The following ATP6V1H variants were observed in gnomAD, a reference collection of about 807,000 sequenced individuals.
ATP6V1H encodes ATPase H+ transporting V1 subunit H.
In ATP6V1H, 39 loss-of-function variants were observed where a neutral mutation model predicts 71.7. The observed-to-expected ratio is 0.54, with a 90% CI of 0.42 to 0.71. ATP6V1H has a LOEUF of 0.71. Ranked by LOEUF, ATP6V1H falls within the 30% of genes least tolerant of loss-of-function variation. ATP6V1H has a pLI of 0.00. For synonymous variants in ATP6V1H, 192 were observed against 199.3 expected (o/e 0.96, Z 0.31); for missense variants, 509 against 594.9 (o/e 0.86, Z 1.50).
chr8:53,765,262 C>T (rs963750182), intron 11 of ATP6V1H, among the ~76,000 whole-genome samples: 1 of 151,668 alleles, frequency 6.6e-6, no homozygotes, highest in African/African-American at 2.4e-5. Flanking sequence ...ATGAGCTGGG[C>T]GTGGTGGTGC....
At chr8:53,840,926 C>G (rs190318912) in intron 2 of ATP6V1H, among the ~76,000 whole-genome samples, 1 of 152,168 alleles carries the variant, frequency 6.6e-6, no homozygotes, top group East Asian at 1.9e-4. Context: ...ACTGAAACAT[C>G]AGCACATTAA....
At chr8:53,833,900 T>A (rs559713419) in intron 2 of ATP6V1H, among the ~76,000 whole-genome samples, 60 of 152,144 alleles carry the variant, frequency 3.9e-4, no homozygotes, top group African/African-American at 1.4e-3. Flanking sequence ...CTTTCCCCGG[T>A]GGTGATGCTG....
At chr8:53,731,825 G>A (rs1807035608) in intron 13 of ATP6V1H, among the ~76,000 whole-genome samples, 2 of 152,264 alleles carry the variant, frequency 1.3e-5, no homozygotes, top group Admixed American at 1.3e-4. Context: ...GCCCTCTGGA[G>A]CATCCCTGGG....
chr8:53,760,103 T>C (rs1159863416), intron 11 of ATP6V1H, among the ~76,000 whole-genome samples: 2 of 152,316 alleles, frequency 1.3e-5, no homozygotes, highest in Non-Finnish European at 2.9e-5. Flanking sequence ...TAATAATTGG[T>C]TGCAGCTGGT....
At chr8:53,815,715 C>T (rs1480286453) in intron 5 of ATP6V1H, among the ~76,000 whole-genome samples, 1 of 152,140 alleles carries the variant, frequency 6.6e-6, no homozygotes. Flanking sequence ...TTAAACTCAT[C>T]TTACTGTCAC....
Position 53,756,595 on chromosome 8 carries a change from C to A in ATP6V1H, c.1237G>T (p.Asp413Tyr). ...DPQVLAVAAH[D>Y]VGEYVRHYPR... ...TAATGCCGCACATATTCTCCAACAT[C>A]GTGAGCAGCAACAGCTAAGACTTGG... The change falls in exon 12 of 14, where the codon GAT (aspartate) becomes TAT (tyrosine). Residue 413 changes from aspartate (D) to tyrosine (Y), a missense_variant. Physicochemically the swap from Asp to Tyr is radical, Grantham distance 160 (BLOSUM62 -3). This residue lies in a region of ATP6V1H where 212 missense variants were observed against 291.6 expected (regional missense o/e 0.73). Coordinates refer to ENST00000359530, the MANE Select transcript of ATP6V1H (RefSeq NM_015941.4). 6.2e-7 allele frequency: 1 copy of A among 1,614,092 alleles called. No homozygotes were observed. The highest frequency in any genetic ancestry group is 2.2e-5 in the East Asian group (1 of 44,886).
intron 12 of ATP6V1H, among the ~76,000 whole-genome samples, chr8:53,755,712 ATATATATATATATATATATATATATAT>A (rs1808007216): frequency 6.1e-4 from 3 of 4,940 alleles, no homozygotes; most frequent in East Asian, 2.7e-3. Flanking sequence ...ATATATATAT[ATATATATATATATATATATATATATAT>A]ATATATTTTT....
At chr8:53,790,340 G>A (rs1809528011) in intron 9 of ATP6V1H, among the ~76,000 whole-genome samples, 1 of 152,026 alleles carries the variant, frequency 6.6e-6, no homozygotes, top group Non-Finnish European at 1.5e-5. Flanking sequence ...ACCCCACAGA[G>A]ACAACTATAT....
intron 7 of ATP6V1H, among the ~76,000 whole-genome samples, chr8:53,805,330 T>A (rs1192844177): frequency 6.6e-6 from 1 of 152,166 alleles, no homozygotes; most frequent in Non-Finnish European, 1.5e-5. Context: ...AACATACAAT[T>A]GACTAAAATA....
At chr8:53,838,032 G>A (rs1192872380) in intron 2 of ATP6V1H, among the ~76,000 whole-genome samples, 1 of 152,102 alleles carries the variant, frequency 6.6e-6, no homozygotes. Context: ...AAGCTCCCAA[G>A]CACTGCATGT....
At chr8:53,756,742 C>T in intron 11 of ATP6V1H, 86 bp from the exon 12 acceptor site, 2 of 775,174 alleles carry the variant, frequency 2.6e-6, no homozygotes, top group Non-Finnish European at 4.1e-6. Flanking sequence ...AGATATCTTC[C>T]TGAAAATAGA....
intron 9 of ATP6V1H, among the ~76,000 whole-genome samples, chr8:53,775,258 G>A (rs1808827198): frequency 1.3e-5 from 2 of 152,062 alleles, no homozygotes; most frequent in South Asian, 2.1e-4. Context: ...AGACCTCCAC[G>A]GTATTACAGC....
At chr8:53,801,958 CACATTTCTAAATGAAAAGTCAG>C in intron 7 of ATP6V1H, 62 bp from the exon 8 acceptor site, 1 of 1,426,208 alleles carries the variant, frequency 7.0e-7, no homozygotes, top group East Asian at 2.4e-5. Context: ...CGATCAGACA[CACATTTCTAAATGAAAAGTCAG>C]ATTACCTACT....
At chr8:53,734,798 T>C (rs1377860389) in intron 13 of ATP6V1H, among the ~76,000 whole-genome samples, 2 of 151,350 alleles carry the variant, frequency 1.3e-5, no homozygotes, top group Admixed American at 6.6e-5. Context: ...GCCCTCCTTC[T>C]CCCTCAAGCA....
At chr8:53,825,354 T>A (rs962031460) in intron 4 of ATP6V1H, among the ~76,000 whole-genome samples, 2 of 151,970 alleles carry the variant, frequency 1.3e-5, no homozygotes, top group Non-Finnish European at 1.5e-5. Context: ...TTTTTTTTTT[T>A]AAATAGTAAC....
At chr8:53,802,456 T>C (rs116520624) in intron 7 of ATP6V1H, among the ~76,000 whole-genome samples, 16,539 of 152,252 alleles carry the variant, frequency 0.11, 1,293 homozygotes, top group East Asian at 0.37. Context: ...CAGTGGTTCA[T>C]GCCTGTAATC....
At position 53,832,928 on chromosome 8, in the gene ATP6V1H, T is replaced by G; in HGVS notation, c.216+56A>C. ...AAGTCACTTATAATCACTAAGATTT[T>G]TCTAAACTTTTGGATGACACGGGGA... On this transcript the variant is annotated intron_variant, in intron 3 of 13. Transcript: ENST00000359530. The G allele has an allele frequency of 2.4e-6, 3 of 1,226,862 alleles. No individual in the cohort carries two copies. The South Asian group carries it at 4.0e-5, about 16-fold the overall frequency. The allele number at this position is 1,226,862 out of a possible 1,614,324, so 76.0% of individuals were successfully genotyped here.
At chr8:53,726,432 T>G (rs1033250109) in intron 13 of ATP6V1H, among the ~76,000 whole-genome samples, 2 of 152,202 alleles carry the variant, frequency 1.3e-5, no homozygotes, top group African/African-American at 4.8e-5. Context: ...ATTTTAAATC[T>G]AAGGTACTTA....
intron 8 of ATP6V1H, among the ~76,000 whole-genome samples, chr8:53,796,115 C>T (rs1208094380): frequency 2.0e-5 from 3 of 151,910 alleles, no homozygotes; most frequent in African/African-American, 4.8e-5. Flanking sequence ...AATATGGCAA[C>T]GGGAATGGAA....
Sources: allele counts gnomAD v4.1 joint callset (sites outside exome capture counted in the v4.1 genomes callset), GRCh38; gene constraint gnomAD v4.1.1; regional missense constraint gnomAD v4.1.1; transcripts MANE v1.5; gene names NCBI Gene and HGNC (gene_info 2026-07-23, HGNC 2026-07-21).